Variants in MGST1 observed in about 807,000 individuals in gnomAD.
MGST1 encodes glutathione S-transferase 12.
A neutral mutation model predicts 8.9 loss-of-function variants in MGST1; 5 were observed. That is an observed-to-expected ratio of 0.56 (90% CI 0.29 to 1.19). MGST1 has a LOEUF of 1.19. Among genes scored for constraint, MGST1 ranks in the 50% most tolerant of loss-of-function variants. MGST1 has a pLI of 0.08. For synonymous variants in MGST1, 54 were observed against 67.8 expected (o/e 0.80, Z 1.00); for missense variants, 182 against 187.4 (o/e 0.97, Z 0.17).
chr12:16,583,786 C>T (rs946220930), intron 4 of MGST1, among the ~76,000 whole-genome samples: 2 of 152,234 alleles, frequency 1.3e-5, no homozygotes, highest in Middle Eastern at 3.4e-3. Flanking sequence ...CTAGCACAGG[C>T]ATGGGAGGAG....
intron 4 of MGST1, among the ~76,000 whole-genome samples, chr12:16,467,728 C>T (rs1339558644): frequency 6.6e-6 from 1 of 152,154 alleles, no homozygotes; most frequent in African/African-American, 2.4e-5. Flanking sequence ...TCCGGAGTAT[C>T]CACCAGTCAG....
At chr12:16,412,911 T>G (rs896683082) in intron 1 of MGST1, among the ~76,000 whole-genome samples, 5 of 152,176 alleles carry the variant, frequency 3.3e-5, no homozygotes, top group African/African-American at 1.2e-4. Context: ...AATAATATTT[T>G]TGTTTGGAAA....
intron 1 of MGST1, among the ~76,000 whole-genome samples, chr12:16,351,678 C>T (rs541794474): frequency 9.2e-5 from 14 of 152,054 alleles, no homozygotes; most frequent in African/African-American, 3.1e-4. Context: ...GGTGTGGTGG[C>T]GGGCACCTGT....
chr12:16,510,657 T>G (rs1230492356), intron 4 of MGST1, among the ~76,000 whole-genome samples: 8 of 152,346 alleles, frequency 5.3e-5, no homozygotes, highest in Non-Finnish European at 4.4e-5. Flanking sequence ...AATGATAACT[T>G]TGCTTAATCC....
Position 16,410,798 on chromosome 12 carries a change from C to T in MGST1, n.779-26590C>T, listed in dbSNP as rs1940736464. 6.6e-6 allele frequency among the ~76,000 whole-genome samples: 1 copy of T among 151,442 alleles called. No homozygotes were observed. Among genetic ancestry groups the T allele is most frequent in the African/African-American group, 2.4e-5 (1 of 41,258 alleles). ...TCTCCCCATATCCCAAACCCTTCAC[C>T]AGCTTCTCATTATTCACAAGAATAA... is the stretch of plus-strand genomic sequence containing the variant. On this transcript the variant is annotated intron_variant and non_coding_transcript_variant, in intron 1 of 1. Transcript: ENST00000359720. This position sits in a 1 kb window ranked among gnomAD's most constrained non-coding sequence, Gnocchi z 4.4.
chr12:16,499,061 A>G (rs1941488047), intron 4 of MGST1, among the ~76,000 whole-genome samples: 1 of 152,198 alleles, frequency 6.6e-6, no homozygotes, highest in African/African-American at 2.4e-5. Context: ...CAGATACTTC[A>G]TGAAAAGTAA....
At chr12:16,381,232 C>A (rs779801145), downstream of MGST1, among the ~76,000 whole-genome samples, 100 of 152,172 alleles carry the variant, frequency 6.6e-4, no homozygotes, top group Non-Finnish European at 1.2e-3. Context: ...TTCTTCCTAG[C>A]ATTGACAGTC....
chr12:16,481,287 T>C (rs926402894), intron 4 of MGST1, among the ~76,000 whole-genome samples: 1 of 152,216 alleles, frequency 6.6e-6, no homozygotes, highest in African/African-American at 2.4e-5. Flanking sequence ...GTAATGCTGA[T>C]AGATGCTCAG....
exon 4 of MGST1, chr12:16,377,063 C>CT (rs1474117607): frequency 2.6e-5 from 4 of 151,824 alleles, no homozygotes; most frequent in Non-Finnish European, 4.4e-5. Context: ...TAGATGCTGA[C>CT]TGTTGAGCTA....
intron 4 of MGST1, among the ~76,000 whole-genome samples, chr12:16,507,959 C>T (rs1322613838): frequency 6.6e-6 from 1 of 152,180 alleles, no homozygotes; most frequent in Non-Finnish European, 1.5e-5. Context: ...CATGTGCCCT[C>T]TGCTCCAGCC....
At chr12:16,583,415 G>A (rs1943227335) in intron 4 of MGST1, among the ~76,000 whole-genome samples, 1 of 152,138 alleles carries the variant, frequency 6.6e-6, no homozygotes, top group African/African-American at 2.4e-5. Flanking sequence ...ACAGCCATAT[G>A]TTGACAGTCA....
intron 4 of MGST1, among the ~76,000 whole-genome samples, chr12:16,522,875 A>G (rs1941657007): frequency 6.6e-6 from 1 of 152,038 alleles, no homozygotes; most frequent in African/African-American, 2.4e-5. Flanking sequence ...CTTAAAGGTA[A>G]TCAAGCTGTA....
intron 2 of MGST1, among the ~76,000 whole-genome samples, chr12:16,355,528 G>A (rs1266791812): frequency 6.6e-6 from 1 of 152,080 alleles, no homozygotes; most frequent in Admixed American, 6.5e-5. Flanking sequence ...ATGGAAGGAT[G>A]TTTGCATTTT....
exon 4 of MGST1, chr12:16,376,290 A>G (rs1292441132): frequency 2.0e-6 from 1 of 498,934 alleles, no homozygotes; most frequent in Non-Finnish European, 3.5e-6. Context: ...TCAAGCAAAG[A>G]TTATCCACGG....
chr12:16,428,477 T>C (rs1328080099), intron 1 of MGST1, among the ~76,000 whole-genome samples: 1 of 151,920 alleles, frequency 6.6e-6, no homozygotes, highest in Non-Finnish European at 1.5e-5. Context: ...TCTATTGTTT[T>C]TTTTTTCTCT....
At chr12:16,574,990 A>C (rs1343514640) in intron 4 of MGST1, among the ~76,000 whole-genome samples, 1 of 152,224 alleles carries the variant, frequency 6.6e-6, no homozygotes, top group East Asian at 1.9e-4. Flanking sequence ...AGTATGATAC[A>C]TAGTATGACA....
chr12:16,453,462 A>C (rs534214809), intron 4 of MGST1, among the ~76,000 whole-genome samples: 1 of 152,084 alleles, frequency 6.6e-6, no homozygotes, highest in East Asian at 1.9e-4. Flanking sequence ...TTATATATAC[A>C]TACAAACAAA....
chr12:16,591,636 G>A (rs537331520), downstream of MGST1, among the ~76,000 whole-genome samples: 1 of 152,142 alleles, frequency 6.6e-6, no homozygotes, highest in African/African-American at 2.4e-5. This position sits in a 1 kb window ranked among gnomAD's most constrained non-coding sequence, Gnocchi z 4.1. Context: ...TGTTTTGCAA[G>A]AGGTATCAAT....
At chr12:16,485,851 T>C (rs565622184) in intron 4 of MGST1, among the ~76,000 whole-genome samples, 14 of 152,110 alleles carry the variant, frequency 9.2e-5, no homozygotes, top group Non-Finnish European at 1.6e-4. Context: ...TTCAAGAAAG[T>C]ACTAAAAGCA....
Sources: allele counts gnomAD v4.1 joint callset (sites outside exome capture counted in the v4.1 genomes callset), GRCh38; gene constraint gnomAD v4.1.1; non-coding constraint Gnocchi (gnomAD v3.1); transcripts MANE v1.5; gene names NCBI Gene and HGNC (gene_info 2026-07-23, HGNC 2026-07-21).